Variants in CNTNAP2 observed in about 807,000 individuals in gnomAD.
CNTNAP2 encodes the protein contactin associated protein 2.
CNTNAP2 carries 98 observed loss-of-function variants against 155.2 expected under a neutral mutation model. The observed-to-expected ratio is 0.63, with a 90% CI of 0.54 to 0.75. The LOEUF (loss-of-function observed/expected upper bound fraction) is 0.75, where lower values mean the gene tolerates loss of function less well. Among genes scored for constraint, CNTNAP2 ranks in the 30% least tolerant of loss-of-function variants. CNTNAP2 has a pLI of 0.00. For missense variants in CNTNAP2, 1,727 were observed against 1,688.1 expected, an observed-to-expected ratio of 1.02 and a Z score of -0.40; for synonymous variants, 651 against 631.2, an observed-to-expected ratio of 1.03 and a Z score of -0.47.
chr7:147,841,187 GA>G (rs1364612602), intron 13 of CNTNAP2, among the ~76,000 whole-genome samples: 1 of 152,120 alleles, frequency 6.6e-6, no homozygotes, highest in Non-Finnish European at 1.5e-5. Context: ...TGATTGTTCA[GA>G]AAATTGCCTC....
At position 147,652,980 on chromosome 7, in the gene CNTNAP2, C is replaced by G. The variant is rs186962625; in HGVS notation, c.2098+13674C>G. ...CTACCTTTTTATGTTTTTTCAATAT[C>G]CACTATTGGCCCTGACAAGTATATT... On this transcript the variant is annotated intron_variant, in intron 13 of 23. Coordinates refer to ENST00000361727, the MANE Select transcript of CNTNAP2 (RefSeq NM_014141.6). Among the ~76,000 whole-genome samples the G allele has an allele frequency of 9.1e-4, 138 of 152,084 alleles. 1 individual carries two copies. The highest frequency in any genetic ancestry group is 3.3e-3 in the African/African-American group (136 of 41,492).
At chr7:148,120,501 AGGCAGTGT>A (rs939550345) in intron 16 of CNTNAP2, among the ~76,000 whole-genome samples, 4 of 152,058 alleles carry the variant, frequency 2.6e-5, no homozygotes, top group Non-Finnish European at 1.5e-5. Flanking sequence ...CCCTGGGCTC[AGGCAGTGT>A]GCCTGCCTTG....
chr7:146,353,812 C>T (rs372172328), intron 1 of CNTNAP2, among the ~76,000 whole-genome samples: 2 of 151,882 alleles, frequency 1.3e-5, no homozygotes, highest in African/African-American at 4.8e-5. Flanking sequence ...TAATAAACTC[C>T]TCTGTAGGAT....
intron 1 of CNTNAP2, among the ~76,000 whole-genome samples, chr7:146,444,059 A>G (rs1305730458): frequency 6.6e-6 from 1 of 152,106 alleles, no homozygotes; most frequent in African/African-American, 2.4e-5. Flanking sequence ...TTTTGACAGA[A>G]TCTTGCTCTG....
intron 3 of CNTNAP2, among the ~76,000 whole-genome samples, chr7:146,847,806 CT>C (rs1420015072): frequency 6.6e-6 from 1 of 152,058 alleles, no homozygotes; most frequent in African/African-American, 2.4e-5. Flanking sequence ...ACATCGAGTC[CT>C]ATGCCTTGTC....
At chr7:148,005,599 C>G (rs1257550187) in intron 15 of CNTNAP2, among the ~76,000 whole-genome samples, 2 of 151,904 alleles carry the variant, frequency 1.3e-5, no homozygotes, top group African/African-American at 2.4e-5. Context: ...TGAGTGGCAC[C>G]AAGAGGAATG....
chr7:146,294,409 C>G (rs563793524), intron 1 of CNTNAP2, among the ~76,000 whole-genome samples: 1 of 152,120 alleles, frequency 6.6e-6, no homozygotes, highest in Non-Finnish European at 1.5e-5. Context: ...AACAGACTAA[C>G]GACTCCTTCA....
chr7:147,625,345 A>T (rs10269523), intron 12 of CNTNAP2, among the ~76,000 whole-genome samples: 13,679 of 152,174 alleles, frequency 0.09, 1,710 homozygotes, highest in African/African-American at 0.26. Context: ...GCATGCCTGT[A>T]TCAAAGTATC....
At position 147,573,575 on chromosome 7, in the gene CNTNAP2, C is replaced by G. The variant is rs538808151; in HGVS notation, c.1897+11318C>G. On this transcript the variant is annotated intron_variant, in intron 12 of 23. Coordinates refer to ENST00000361727, the MANE Select transcript of CNTNAP2 (RefSeq NM_014141.6). ...AAATGAATGCCTTTGCTGCTCCAGG[C>G]AGCAGGGCATGGAGGACAGAGCGGG... is the stretch of plus-strand genomic sequence containing the variant. 5.3e-5 allele frequency among the ~76,000 whole-genome samples: 8 copies of G among 152,292 alleles called. No homozygotes were observed. The South Asian group carries it at 1.7e-3, about 32-fold the overall frequency.
chr7:147,130,326 C>A (rs1018778190), intron 7 of CNTNAP2, among the ~76,000 whole-genome samples: 6 of 151,852 alleles, frequency 4.0e-5, no homozygotes, highest in African/African-American at 1.2e-4. Context: ...ATGGTGCATG[C>A]ATGTAGTCCT....
intron 21 of CNTNAP2, among the ~76,000 whole-genome samples, chr7:148,331,463 G>GGATA (rs1323115944): frequency 7.1e-6 from 1 of 140,332 alleles, no homozygotes; most frequent in Non-Finnish European, 1.5e-5. Context: ...ATGGATGGAT[G>GGATA]GATAGATGGA....
intron 1 of CNTNAP2, among the ~76,000 whole-genome samples, chr7:146,119,056 T>A (rs988755182): frequency 7.2e-5 from 11 of 151,920 alleles, no homozygotes; most frequent in Admixed American, 2.0e-4. Flanking sequence ...ACATTTTTAT[T>A]TACATTATAT....
At chr7:146,769,553 T>C (rs1802257478) in intron 1 of CNTNAP2, among the ~76,000 whole-genome samples, 1 of 152,222 alleles carries the variant, frequency 6.6e-6, no homozygotes, top group South Asian at 2.1e-4. Flanking sequence ...TTGTGGGCTC[T>C]TTCATGTTGC....
intron 15 of CNTNAP2, among the ~76,000 whole-genome samples, chr7:148,108,364 TAA>T (rs34910578): frequency 2.1e-4 from 30 of 146,336 alleles, no homozygotes; most frequent in East Asian, 7.9e-4. Context: ...ACCAAAAAAT[TAA>T]AAAAAAAAAA....
intron 1 of CNTNAP2, among the ~76,000 whole-genome samples, chr7:146,704,111 T>C (rs573407358): frequency 1.3e-5 from 2 of 152,262 alleles, no homozygotes; most frequent in South Asian, 2.1e-4. Context: ...AAATGTCAAA[T>C]AGTAAATACA....
chr7:147,658,320 G>C (rs1217703079), intron 13 of CNTNAP2, among the ~76,000 whole-genome samples: 1 of 151,058 alleles, frequency 6.6e-6, no homozygotes, highest in African/African-American at 2.4e-5. Context: ...ACCTAAGTCA[G>C]ATTCTTTGGG....
intron 3 of CNTNAP2, among the ~76,000 whole-genome samples, chr7:146,974,491 C>T (rs754864452): frequency 2.0e-5 from 3 of 151,792 alleles, no homozygotes; most frequent in African/African-American, 7.3e-5. Flanking sequence ...ACTTATTTAC[C>T]TTTAACTATA....
chr7:146,937,632 C>T (rs918802725), intron 3 of CNTNAP2, among the ~76,000 whole-genome samples: 1 of 152,088 alleles, frequency 6.6e-6, no homozygotes. Context: ...TAGTAAAGTA[C>T]CTGACACCTG....
chr7:147,877,449 A>G (rs1799440985), intron 13 of CNTNAP2, among the ~76,000 whole-genome samples: 1 of 152,238 alleles, frequency 6.6e-6, no homozygotes, highest in South Asian at 2.1e-4. Flanking sequence ...AGAACATAAA[A>G]GAACTAGAGA....
Sources: gnomAD v4.1 joint callset for allele counts (sites outside exome capture counted in the v4.1 genomes callset) on GRCh38, gnomAD v4.1.1 for gene constraint, MANE v1.5 for transcripts, NCBI Gene and HGNC (gene_info 2026-07-23, HGNC 2026-07-21) for gene names.